Variants in NCBP3 observed in about 807,000 individuals in gnomAD.
The protein encoded by NCBP3 is nuclear cap binding subunit 3.
A neutral mutation model predicts 75.7 loss-of-function variants in NCBP3; 20 were observed. That is an observed-to-expected ratio of 0.26 (90% CI 0.19 to 0.38). The LOEUF is 0.38. Ranked by LOEUF, NCBP3 falls within the 10% of genes least tolerant of loss-of-function variation. NCBP3 has a pLI of 1.00. For missense variants in NCBP3, 678 were observed against 796.9 expected (o/e 0.85, Z 1.80); for synonymous variants, 293 against 290.5 (o/e 1.01, Z -0.09).
intron 8 of NCBP3, among the ~76,000 whole-genome samples, 195 bp from the exon 9 acceptor site, chr17:3,821,547 C>T (rs1279890820): frequency 6.6e-6 from 1 of 152,062 alleles, no homozygotes; most frequent in East Asian, 1.9e-4. Context: ...CTCAGCCTCC[C>T]GAGTAGGTGG....
chr17:3,834,339 G>C (rs2053938391), intron 3 of NCBP3, among the ~76,000 whole-genome samples: 1 of 152,244 alleles, frequency 6.6e-6, no homozygotes, highest in Non-Finnish European at 1.5e-5. Flanking sequence ...ACAGACTGTT[G>C]ACAATGACGG....
At chr17:3,830,556 T>C (rs2053859340) in intron 3 of NCBP3, among the ~76,000 whole-genome samples, 1 of 152,224 alleles carries the variant, frequency 6.6e-6, no homozygotes, top group African/African-American at 2.4e-5. Flanking sequence ...TTGAAGGCTA[T>C]GGTCAAAAAA....
rs557685737 is a variant in NCBP3 at position 3,823,338 on chromosome 17, C to T, written c.797-1286G>A. Reference sequence around the variant, plus strand: ...CCAGCCTGGTGACAGAGCAACACTCCGTCTCAAAACAAACAAAAAAATAAA... The same window carrying T: ...CCAGCCTGGTGACAGAGCAACACTCTGTCTCAAAACAAACAAAAAAATAAA... On this transcript the variant is annotated intron_variant, in intron 7 of 12. Coordinates refer to ENST00000389005, the MANE Select transcript of NCBP3 (RefSeq NM_001114118.3). Among the ~76,000 whole-genome samples the T allele has an allele frequency of 6.6e-5, 10 of 152,030 alleles. No homozygotes were observed. The South Asian group carries it at 1.0e-3, about 16-fold the overall frequency.
chr17:3,828,600 A>G (rs2053826675), intron 4 of NCBP3, among the ~76,000 whole-genome samples: 1 of 152,168 alleles, frequency 6.6e-6, no homozygotes, highest in Non-Finnish European at 1.5e-5. Context: ...AAGCCAGCAA[A>G]GCAGTAACAA....
rs1022538322 is a variant in NCBP3, at chr17:3,808,336, A to G, written c.*4708T>C. On this transcript the variant is annotated 3_prime_UTR_variant, in exon 13 of 13. Coordinates refer to ENST00000389005, the MANE Select transcript of NCBP3 (RefSeq NM_001114118.3). ...ATAGGGCACCTTCCTTAGATTTCTA[A>G]GAGGAATTTTAATTACACTCCATTT... 6.6e-6 allele frequency: 1 copy of G among 152,234 alleles called. No homozygotes were observed. The highest frequency in any genetic ancestry group is 1.5e-5 in the Non-Finnish European group (1 of 68,048). 9.4% of individuals were successfully genotyped at this position (152,234 alleles called of 1,614,324 possible).
chr17:3,816,389 C>T (rs1372946693), intron 10 of NCBP3, 119 bp from the exon 11 acceptor site: 1 of 821,986 alleles, frequency 1.2e-6, no homozygotes, highest in East Asian at 2.6e-5. Context: ...ACATGGCCAA[C>T]ATTCACTTAC....
At chr17:3,813,632 A>C (rs992469796) in intron 12 of NCBP3, among the ~76,000 whole-genome samples, 8 of 152,240 alleles carry the variant, frequency 5.3e-5, no homozygotes, top group African/African-American at 1.7e-4. Context: ...GAAGTAGGCC[A>C]CTCCCAGATC....
chr17:3,832,267 C>A lies in NCBP3; in HGVS notation c.356-2899G>T, dbSNP rs1323140194. On this transcript the variant is annotated intron_variant, in intron 3 of 12. Transcript: ENST00000389005. Reference sequence around the variant, plus strand: ...ATGTCACATGCCTGTATCAAAACATCTCATGTACCCCATAAATATACCCAC... The same window carrying A: ...ATGTCACATGCCTGTATCAAAACATATCATGTACCCCATAAATATACCCAC... Among the ~76,000 whole-genome samples the A allele has an allele frequency of 1.7e-5, 2 of 118,486 alleles. 1 individual carries two copies. The highest frequency in any genetic ancestry group is 4.0e-5 in the Non-Finnish European group (2 of 49,466). 77.7% of individuals were successfully genotyped at this position (118,486 alleles called of 152,430 possible).
chr17:3,814,230 T>C, intron 12 of NCBP3, 92 bp downstream of exon 12: 1 of 1,371,684 alleles, frequency 7.3e-7, no homozygotes, highest in Non-Finnish European at 1.0e-6. Context: ...GGGCTGTTTC[T>C]TGCCTTCTGC....
In NCBP3 at chr17:3,815,436, A is replaced by G. The variant is rs548718728; in HGVS notation, c.1465+680T>C. ...CCTAGACCAGGGTCTGGCACATAGC[A>G]GGTACGGCTAAAGACCTGCTGAATC... On this transcript the variant is annotated intron_variant, in intron 11 of 12. Coordinates refer to ENST00000389005, the MANE Select transcript of NCBP3 (RefSeq NM_001114118.3). Among the ~76,000 whole-genome samples, 4 of 152,360 alleles carry G rather than the reference A, an allele frequency of 2.6e-5. No homozygotes were observed. In the South Asian group the frequency reaches 6.2e-4, roughly 24 times the overall value.
chr17:3,816,566 G>T (rs1387636764), intron 10 of NCBP3, among the ~76,000 whole-genome samples: 3 of 152,234 alleles, frequency 2.0e-5, no homozygotes, highest in Non-Finnish European at 4.4e-5. Context: ...TTAAGTAGAG[G>T]CCTACAAAGA....
At chr17:3,826,725 A>AAGGAAGGAAGGAAGGAAGGAAGGAAG (rs1216313897) in intron 4 of NCBP3, among the ~76,000 whole-genome samples, 7 of 150,950 alleles carry the variant, frequency 4.6e-5, no homozygotes, top group African/African-American at 1.7e-4. Context: ...GGAAGGAAGG[A>AAGGAAGGAAGGAAGGAAGGAAGGAAG]GAGAGAGAGA....
Position 3,812,691 on chromosome 17 carries a change from T to C in NCBP3, c.*353A>G, listed in dbSNP as rs1190756216. ...AAGGCAATAGTGAGAAGTTCAGTTC[T>C]CTGCTCTTTGGATGAACTGTGTAAA... On this transcript the variant is annotated 3_prime_UTR_variant, in exon 13 of 13. Coordinates refer to ENST00000389005, the MANE Select transcript of NCBP3 (RefSeq NM_001114118.3). The C allele has an allele frequency of 3.1e-5, 34 of 1,081,274 alleles. No individual in the cohort carries two copies. In the South Asian group the frequency reaches 9.2e-4, roughly 29 times the overall value. 67.0% of individuals were successfully genotyped at this position (1,081,274 alleles called of 1,614,324 possible).
chr17:3,837,264 C>T (rs972958276), intron 3 of NCBP3, among the ~76,000 whole-genome samples: 2 of 151,962 alleles, frequency 1.3e-5, no homozygotes, highest in Admixed American at 6.6e-5. Flanking sequence ...TTTGGGAGGC[C>T]GAGGCGGGTG....
rs1325680720 is a variant in NCBP3, at chr17:3,807,704, C to G, written c.*5340G>C. 6.6e-6 allele frequency: 1 copy of G among 152,162 alleles called. No homozygotes were observed. The highest frequency in any genetic ancestry group is 1.5e-5 in the Non-Finnish European group (1 of 68,036). The allele number at this position is 152,162 out of a possible 1,614,324, so 9.4% of individuals were successfully genotyped here. A position where few individuals can be genotyped will look rare whatever the true frequency, so the allele number is the denominator to read the frequency against. On this transcript the variant is annotated 3_prime_UTR_variant, in exon 13 of 13. Transcript: ENST00000389005. The stretch of plus-strand genomic sequence containing the variant: ...CGTACATGGCAGAAAAATGACTAGC[C>G]TGCCAGAGGGCCCCAGAGCCTCAGA...
chr17:3,811,343 AC>A lies in NCBP3; in HGVS notation c.*1700del, dbSNP rs1376927548. ...AACCTGGCTCTCAGCTGTATGCTTC[AC>A]AGGGAAAGAAAAGCTGAGAAATCTC... is the stretch of plus-strand genomic sequence containing the variant. On this transcript the variant is annotated 3_prime_UTR_variant, in exon 13 of 13. Coordinates refer to ENST00000389005, the MANE Select transcript of NCBP3 (RefSeq NM_001114118.3). 1.3e-5 allele frequency: 2 copies of A among 152,196 alleles called. No homozygotes were observed. The highest frequency in any genetic ancestry group is 2.9e-5 in the Non-Finnish European group (2 of 68,040). 9.4% of individuals were successfully genotyped at this position (152,196 alleles called of 1,614,324 possible). A position where few individuals can be genotyped will look rare whatever the true frequency, so the allele number is the denominator to read the frequency against.
intron 5 of NCBP3, 36 bp from the exon 6 acceptor site, chr17:3,825,879 T>C (rs1232095049): frequency 6.6e-7 from 1 of 1,507,266 alleles, no homozygotes; most frequent in East Asian, 2.5e-5. Flanking sequence ...TGAAACAAGA[T>C]AAAATATTTC....
chr17:3,813,501 G>C (rs528066724), intron 12 of NCBP3, among the ~76,000 whole-genome samples: 1 of 152,052 alleles, frequency 6.6e-6, no homozygotes, highest in African/African-American at 2.4e-5. Context: ...TTCTCACCGT[G>C]GGGGGACAGG....
Position 3,811,738 on chromosome 17 carries a change from T to TCTA in NCBP3, c.*1303_*1305dup, listed in dbSNP as rs2143627729. 1 of 152,304 alleles carries TCTA rather than the reference T, an allele frequency of 6.6e-6. No individual in the cohort carries two copies. The highest frequency in any genetic ancestry group is 1.9e-4 in the East Asian group (1 of 5,188). 9.4% of individuals were successfully genotyped at this position (152,304 alleles called of 1,614,324 possible). ...AAAAGGACCACGGTTTATTACCATC[T>TCTA]CTAACGCCCATGTTCCAGCAAACCG... On this transcript the variant is annotated 3_prime_UTR_variant, in exon 13 of 13. Transcript: ENST00000389005.
Sources: gnomAD v4.1 joint callset for allele counts (sites outside exome capture counted in the v4.1 genomes callset) on GRCh38, gnomAD v4.1.1 for gene constraint, MANE v1.5 for transcripts, NCBI Gene and HGNC (gene_info 2026-07-23, HGNC 2026-07-21) for gene names.